The following ANO3 variants were observed in gnomAD, a reference collection of about 807,000 sequenced individuals.
ANO3 encodes anoctamin-3.
Under a neutral mutation model 144.8 loss-of-function variants are expected in ANO3, and 99 were observed. The ratio of observed to expected loss-of-function variants is 0.68; its 90% CI spans 0.58 to 0.81. ANO3 has a LOEUF of 0.81. Among genes scored for constraint, ANO3 ranks in the 30% least tolerant of loss-of-function variants. The pLI, the probability that ANO3 is intolerant of heterozygous loss-of-function variation, is 0.00. For synonymous variants in ANO3, 414 were observed against 392.6 expected (o/e 1.05, Z -0.64); for missense variants, 905 against 1,202.2 (o/e 0.75, Z 3.66).
chr11:26,258,222 G>A (rs1853103389), intron 1 of ANO3, among the ~76,000 whole-genome samples: 1 of 152,086 alleles, frequency 6.6e-6, no homozygotes, highest in Non-Finnish European at 1.5e-5. Flanking sequence ...TCCCCAAAGT[G>A]TAATACTCTT....
chr11:26,292,516 T>C (rs1853983933), intron 1 of ANO3, among the ~76,000 whole-genome samples: 1 of 152,202 alleles, frequency 6.6e-6, no homozygotes, highest in Non-Finnish European at 1.5e-5. Context: ...ATTTTCAGCT[T>C]TTCCGCTCTG....
intron 1 of ANO3, among the ~76,000 whole-genome samples, chr11:26,206,903 A>G (rs963420783): frequency 6.6e-6 from 1 of 152,226 alleles, no homozygotes; most frequent in African/African-American, 2.4e-5. Flanking sequence ...TGTAGTACCC[A>G]GAGAAATCAC....
chr11:26,199,891 G>T (rs1047055367), intron 1 of ANO3, among the ~76,000 whole-genome samples: 12 of 152,142 alleles, frequency 7.9e-5, no homozygotes, highest in African/African-American at 2.7e-4. Context: ...AATGTTAGTA[G>T]ATAAAACCAC....
At chr11:26,438,924 G>A (rs962630961) in intron 1 of ANO3, among the ~76,000 whole-genome samples, 2 of 152,122 alleles carry the variant, frequency 1.3e-5, no homozygotes, top group Non-Finnish European at 2.9e-5. Flanking sequence ...CAGATTTTCT[G>A]GTTTTAAAAC....
At chr11:26,207,100 T>C (rs2133777573) in intron 1 of ANO3, among the ~76,000 whole-genome samples, 1 of 152,264 alleles carries the variant, frequency 6.6e-6, no homozygotes, top group South Asian at 2.1e-4. Flanking sequence ...TTGTGCCAGA[T>C]GAGTAAGTCC....
intron 4 of ANO3, among the ~76,000 whole-genome samples, chr11:26,482,662 G>A (rs1174226674): frequency 2.0e-5 from 3 of 152,038 alleles, no homozygotes; most frequent in African/African-American, 4.8e-5. Flanking sequence ...TTGCTACATG[G>A]ATATATTGCT....
chr11:26,595,790 C>T (rs1037285084), intron 14 of ANO3, among the ~76,000 whole-genome samples: 3 of 152,156 alleles, frequency 2.0e-5, no homozygotes, highest in African/African-American at 7.2e-5. Flanking sequence ...AGAATAGCCG[C>T]ATACTTTAAG....
chr11:26,492,234 G>A (rs1860737878), intron 4 of ANO3, among the ~76,000 whole-genome samples: 1 of 152,220 alleles, frequency 6.6e-6, no homozygotes, highest in African/African-American at 2.4e-5. Context: ...TGAGCTCTAT[G>A]TTCTGTGCTG....
chr11:26,514,593 G>C (rs116904381), intron 5 of ANO3, among the ~76,000 whole-genome samples: 16,850 of 152,014 alleles, frequency 0.11, 1,308 homozygotes, highest in Admixed American at 0.16. Context: ...TTCATTTATA[G>C]CATGTGATTT....
At chr11:26,628,879 ATG>A (rs1473474551) in intron 18 of ANO3, among the ~76,000 whole-genome samples, 1 of 152,108 alleles carries the variant, frequency 6.6e-6, no homozygotes, top group African/African-American at 2.4e-5. Context: ...CTTCTCCTCT[ATG>A]TGCCTCTACC....
intron 1 of ANO3, among the ~76,000 whole-genome samples, chr11:26,366,605 G>T (rs954016109): frequency 7.2e-5 from 11 of 152,116 alleles, no homozygotes; most frequent in Non-Finnish European, 8.8e-5. Flanking sequence ...CAGTGTAAAA[G>T]TGTTCCTACT....
chr11:26,552,678 A>T (rs1000760015), intron 12 of ANO3, among the ~76,000 whole-genome samples: 2 of 152,116 alleles, frequency 1.3e-5, no homozygotes, highest in African/African-American at 4.8e-5. Context: ...CTATTAGAGA[A>T]CATATTTACA....
intron 1 of ANO3, chr11:26,426,993 A>G (rs1287560015): frequency 1.3e-5 from 2 of 152,386 alleles, no homozygotes; most frequent in Admixed American, 1.3e-4. Context: ...GAAATAATTG[A>G]AGTGAAATAA....
chr11:26,243,047 G>A (rs1852695675), intron 1 of ANO3, among the ~76,000 whole-genome samples: 1 of 152,274 alleles, frequency 6.6e-6, no homozygotes, highest in Non-Finnish European at 1.5e-5. Context: ...GTCTTGGTAA[G>A]GAGCAGTAAT....
chr11:26,378,771 G>C (rs1378856685), intron 1 of ANO3, among the ~76,000 whole-genome samples: 3 of 151,982 alleles, frequency 2.0e-5, no homozygotes, highest in East Asian at 1.9e-4. Context: ...TCTGTTAACT[G>C]TACCCAGAAG....
At chr11:26,286,709 T>C (rs1010791718) in intron 1 of ANO3, among the ~76,000 whole-genome samples, 1 of 152,152 alleles carries the variant, frequency 6.6e-6, no homozygotes, top group African/African-American at 2.4e-5. Flanking sequence ...TAATTGGCAA[T>C]GCGGGTGGGC....
intron 1 of ANO3, among the ~76,000 whole-genome samples, chr11:26,201,131 A>G (rs1163172767): frequency 6.6e-6 from 1 of 152,174 alleles, no homozygotes; most frequent in African/African-American, 2.4e-5. Flanking sequence ...AGTCACATAT[A>G]TAAGCACCAT....
At chr11:26,649,745 A>T (rs916499015) in intron 24 of ANO3, among the ~76,000 whole-genome samples, 99 of 145,624 alleles carry the variant, frequency 6.8e-4, no homozygotes, top group African/African-American at 2.1e-3. Context: ...TCAAAAAAAA[A>T]ATATATATTC....
chr11:26,253,395 C>A (rs1564935125), intron 1 of ANO3, among the ~76,000 whole-genome samples: 1 of 151,680 alleles, frequency 6.6e-6, no homozygotes, highest in African/African-American at 2.4e-5. Context: ...CACACTGGGG[C>A]CTTTTGGAGG....
Sources: gnomAD v4.1 joint callset for allele counts (sites outside exome capture counted in the v4.1 genomes callset) on GRCh38, gnomAD v4.1.1 for gene constraint, MANE v1.5 for transcripts, NCBI Gene and HGNC (gene_info 2026-07-23, HGNC 2026-07-21) for gene names.